The following TASOR2 variants were observed in gnomAD, a reference collection of about 807,000 sequenced individuals.
The protein encoded by TASOR2 is transcription activation suppressor family member 2.
In TASOR2, 84 loss-of-function variants were observed where a neutral mutation model predicts 199.5. That is an observed-to-expected ratio of 0.42 (90% CI 0.35 to 0.50). The LOEUF (loss-of-function observed/expected upper bound fraction) is 0.50. Among genes scored for constraint, TASOR2 ranks in the 20% least tolerant of loss-of-function variants. The pLI is 0.02. For synonymous variants in TASOR2, 1,103 were observed against 1,046.6 expected (o/e 1.05, Z -1.04); for missense variants, 2,796 against 2,835.9 (o/e 0.99, Z 0.32).
exon 15 of TASOR2, chr10:5,749,264 C>G: frequency 6.2e-7 from 1 of 1,614,186 alleles, no homozygotes; most frequent in Non-Finnish European, 8.5e-7. Context: ...AGGAGGCACC[C>G]GAGTTTCAGT....
chr10:5,707,847 A>G (rs1831317074), intron 1 of TASOR2, among the ~76,000 whole-genome samples: 2 of 152,084 alleles, frequency 1.3e-5, no homozygotes, highest in Non-Finnish European at 2.9e-5. Context: ...TAAAAGGGAC[A>G]TGATTGTTGG....
intron 1 of TASOR2, among the ~76,000 whole-genome samples, chr10:5,709,853 A>G (rs1178797365): frequency 1.3e-5 from 2 of 152,350 alleles, no homozygotes; most frequent in South Asian, 2.1e-4. Context: ...AAATTGCAAC[A>G]TAAAACACGT....
exon 15 of TASOR2, chr10:5,746,486 A>G (rs1410314200): frequency 6.2e-7 from 1 of 1,614,148 alleles, no homozygotes; most frequent in Non-Finnish European, 8.5e-7. Flanking sequence ...GACCTTATCC[A>G]ACATGGCAGC....
At chr10:5,718,959 G>C (rs1253126489) in intron 3 of TASOR2, among the ~76,000 whole-genome samples, 1 of 152,142 alleles carries the variant, frequency 6.6e-6, no homozygotes, top group Non-Finnish European at 1.5e-5. Flanking sequence ...GGAGATTGCT[G>C]TTTTGGCCTC....
chr10:5,749,418 C>T, exon 15 of TASOR2: 1 of 1,614,228 alleles, frequency 6.2e-7, no homozygotes, highest in South Asian at 1.1e-5. Context: ...AGCATTCTGC[C>T]TCCTCTGCCA....
chr10:5,740,201 G>T lies in TASOR2; in HGVS notation c.2031G>T (p.Leu677=). Residue 677 remains leucine (L), a synonymous_variant, in exon 13 of 21, where the codon CTG becomes CTT. Coordinates refer to ENST00000328090, the Ensembl canonical transcript of TASOR2. This position sits in a 1 kb window ranked among gnomAD's most constrained non-coding sequence, Gnocchi z 5.3. ...AGGAGAGAGAGATACTAAGCCCTCTGTTTCCCAGGAATGGGACAAAAAGCC... is the reference window on the plus strand; with the variant it reads ...AGGAGAGAGAGATACTAAGCCCTCTTTTTCCCAGGAATGGGACAAAAAGCC... 6.2e-7 allele frequency: 1 copy of T among 1,614,222 alleles called. No homozygotes were observed. Among genetic ancestry groups the T allele is most frequent in the Non-Finnish European group, 8.5e-7 (1 of 1,180,052 alleles).
At position 5,730,749 on chromosome 10, in the gene TASOR2, A is replaced by T. The variant is rs1425601190; in HGVS notation, c.750A>T (p.Glu250Asp). ...GTTTTGACTTGATTCCTCCAGCTGA[A>T]AAGTGCCCTTCAGAGTCTTTAACTC... The change falls in exon 11 of 21, where the codon GAA (glutamate) becomes GAT (aspartate). Residue 250 changes from glutamate to aspartate, a missense_variant. Physicochemically the swap from Glu to Asp is conservative, Grantham distance 45. Coordinates refer to ENST00000328090, the Ensembl canonical transcript of TASOR2. This position sits in a 1 kb window ranked among gnomAD's most constrained non-coding sequence, Gnocchi z 4.1. The T allele has an allele frequency of 6.2e-7, 1 of 1,614,188 alleles. No individual in the cohort carries two copies. The highest frequency in any genetic ancestry group is 8.5e-7 in the Non-Finnish European group (1 of 1,180,028).
At chr10:5,697,481 G>A (rs1038961947) in intron 1 of TASOR2, among the ~76,000 whole-genome samples, 4 of 152,140 alleles carry the variant, frequency 2.6e-5, no homozygotes, top group African/African-American at 9.7e-5. Context: ...GGAGCCATAT[G>A]GTATCAAGGA....
chr10:5,746,610 A>T (rs1283585366), exon 15 of TASOR2: 2 of 1,614,196 alleles, frequency 1.2e-6, no homozygotes, highest in South Asian at 2.2e-5. Flanking sequence ...CACATGTACC[A>T]ATACAGACAG....
chr10:5,696,065 A>AGGT (rs1837112642), intron 1 of TASOR2, among the ~76,000 whole-genome samples: 1 of 152,198 alleles, frequency 6.6e-6, no homozygotes, highest in South Asian at 2.1e-4. Flanking sequence ...CAGATGGTTA[A>AGGT]GGTGGGGGTG....
chr10:5,727,116 G>A (rs1834144793), exon 10 of TASOR2: 1 of 1,613,946 alleles, frequency 6.2e-7, no homozygotes, highest in Admixed American at 1.7e-5. Context: ...GTTCACCCCT[G>A]TCAACAGGTG....
rs1377011267 is a variant in TASOR2 at position 5,740,149 on chromosome 10, T to C, written c.1979T>C (p.Leu660Pro). The change falls in exon 13 of 21, where the codon CTT (leucine) becomes CCT (proline). Residue 660 changes from leucine to proline, a missense_variant. Coordinates refer to ENST00000328090, the Ensembl canonical transcript of TASOR2. The surrounding 1 kb of genome is among the most constrained non-coding windows in gnomAD (Gnocchi z 5.3). Reference sequence around the variant, plus strand: ...GTGGAACATTCATATGCCCTGCTCCTTACAGAACATTCAAAGAAACATCTA... The same window carrying C: ...GTGGAACATTCATATGCCCTGCTCCCTACAGAACATTCAAAGAAACATCTA... 1 of 1,614,228 alleles carries C rather than the reference T, an allele frequency of 6.2e-7. No individual in the cohort carries two copies. Among genetic ancestry groups the C allele is most frequent in the East Asian group, 2.2e-5 (1 of 44,892 alleles).
rs1278870525 is a variant in TASOR2 at position 5,687,545 on chromosome 10, T to TA, written c.-288+2371dup. Among the ~76,000 whole-genome samples the TA allele has an allele frequency of 6.6e-6, 1 of 152,236 alleles. No homozygotes were observed. Among genetic ancestry groups the TA allele is most frequent in the Non-Finnish European group, 1.5e-5 (1 of 68,046 alleles). ...TTTAAGAACCATTGAGGGGGCCAGG[T>TA]ACGGTGGCCCACGCCTGTAATCCCA... On this transcript the variant is annotated intron_variant, in intron 1 of 20. Transcript: ENST00000328090. The surrounding 1 kb of genome is among the most constrained non-coding windows in gnomAD (Gnocchi z 4.8).
chr10:5,739,091 T>C (rs1322306871), intron 12 of TASOR2, among the ~76,000 whole-genome samples: 1 of 152,250 alleles, frequency 6.6e-6, no homozygotes, highest in Non-Finnish European at 1.5e-5. Flanking sequence ...ATAGTTAAAA[T>C]CATTTGAACT....
rs528407141 is a variant in TASOR2 at position 5,750,947 on chromosome 10, T to G, written c.6606+920T>G. Among the ~76,000 whole-genome samples the G allele has an allele frequency of 1.3e-5, 2 of 152,384 alleles. No individual in the cohort carries two copies. The highest frequency in any genetic ancestry group is 3.9e-4 in the East Asian group (2 of 5,186). On this transcript the variant is annotated intron_variant, in intron 15 of 20. Transcript: ENST00000328090. The surrounding 1 kb of genome is among the most constrained non-coding windows in gnomAD (Gnocchi z 5.4). Reference sequence around the variant, plus strand: ...TTCCTCTGTTATTCCTTGTCTTTTATGACCTTAACAGTTTTGAAGACTGTA... The same window carrying G: ...TTCCTCTGTTATTCCTTGTCTTTTAGGACCTTAACAGTTTTGAAGACTGTA...
chr10:5,715,783 C>T (rs1230867798), intron 2 of TASOR2, among the ~76,000 whole-genome samples: 1 of 152,138 alleles, frequency 6.6e-6, no homozygotes, highest in East Asian at 1.9e-4. Context: ...GCTGAGATTA[C>T]AGGCACACAT....
At chr10:5,713,050 G>A (rs1408995511) in intron 2 of TASOR2, 132 bp downstream of exon 2, 1 of 426,604 alleles carries the variant, frequency 2.3e-6, no homozygotes, top group East Asian at 3.6e-5. Flanking sequence ...GCATGTAAAT[G>A]ACAGCAACAA....
rs368926711 is a variant in TASOR2, at chr10:5,712,856, A to G, written c.-254A>G. 3 of 1,231,076 alleles carry G rather than the reference A, an allele frequency of 2.4e-6. No individual in the cohort carries two copies. Among genetic ancestry groups the G allele is most frequent in the Admixed American group, 4.2e-5 (1 of 23,684 alleles). 76.3% of individuals were successfully genotyped at this position (1,231,076 alleles called of 1,614,324 possible). A position where few individuals can be genotyped will look rare whatever the true frequency, so the allele number is the denominator to read the frequency against. ...TTTTTACCAACAAAAAAAAGCAAGT[A>G]GTTATACTCAGGAAGAACTTCAAGA... On this transcript the variant is annotated 5_prime_UTR_variant, in exon 2 of 21. An upstream open reading frame in the 5' UTR loses its in-frame stop. Coordinates refer to ENST00000328090, the Ensembl canonical transcript of TASOR2.
At chr10:5,755,813 T>C (rs1325772442) in intron 15 of TASOR2, among the ~76,000 whole-genome samples, 1 of 151,576 alleles carries the variant, frequency 6.6e-6, no homozygotes, top group South Asian at 2.1e-4. Context: ...CTGAGCAACA[T>C]AGACCTCCAT....
Sources: gnomAD v4.1 joint callset for allele counts (sites outside exome capture counted in the v4.1 genomes callset) on GRCh38, gnomAD v4.1.1 for gene constraint, Gnocchi (gnomAD v3.1) non-coding constraint, MANE v1.5 for transcripts, NCBI Gene and HGNC (gene_info 2026-07-23, HGNC 2026-07-21) for gene names.